PTPRR: variants seen among roughly 807,000 people sequenced by gnomAD.
The protein encoded by PTPRR is protein tyrosine phosphatase receptor type R.
PTPRR carries 38 observed loss-of-function variants against 77.2 expected under a neutral mutation model. The observed-to-expected ratio is 0.49, with a 90% CI of 0.38 to 0.65. PTPRR has a LOEUF of 0.65. PTPRR is among the 30% of genes least tolerant of loss of function. PTPRR has a pLI of 0.00. For synonymous variants in PTPRR, 299 were observed against 283.1 expected, an observed-to-expected ratio of 1.06 and a Z score of -0.57; for missense variants, 744 against 799.2, an observed-to-expected ratio of 0.93 and a Z score of 0.83.
intron 12 of PTPRR, among the ~76,000 whole-genome samples, chr12:70,659,717 GAC>G (rs1886725473): frequency 6.6e-6 from 1 of 152,008 alleles, no homozygotes; most frequent in Admixed American, 6.6e-5. Context: ...TGGATAAATA[GAC>G]ACATAGTAAA....
At chr12:70,751,659 A>G (rs1177002105) in intron 5 of PTPRR, among the ~76,000 whole-genome samples, 1 of 151,936 alleles carries the variant, frequency 6.6e-6, no homozygotes, top group Non-Finnish European at 1.5e-5. Context: ...TCTTCATAGC[A>G]CTTATCAACA....
In PTPRR at chr12:70,792,648, T is replaced by A. The variant is rs1021855553; in HGVS notation, c.358-27870A>T. 5.9e-5 allele frequency among the ~76,000 whole-genome samples: 9 copies of A among 152,166 alleles called. No individual in the cohort carries two copies. The South Asian group carries it at 1.9e-3, about 32-fold the overall frequency. On this transcript the variant is annotated intron_variant, in intron 2 of 13. Transcript: ENST00000283228. ...TTCAAATTCTCATATAGGGGATAGG[T>A]ATTAAGAAAAACACTAAATTTTGTA...
chr12:70,839,802 A>G (rs2137058586), intron 2 of PTPRR, among the ~76,000 whole-genome samples: 1 of 152,310 alleles, frequency 6.6e-6, no homozygotes, highest in South Asian at 2.1e-4. Context: ...CTGTGGAGCC[A>G]GGATACTGGT....
chr12:70,662,262 A>G lies in PTPRR; in HGVS notation c.1608+233T>C, dbSNP rs1239964754. 2.0e-5 allele frequency among the ~76,000 whole-genome samples: 3 copies of G among 152,234 alleles called. No individual in the cohort carries two copies. The South Asian group carries it at 6.2e-4, about 31-fold the overall frequency. Reference sequence around the variant, plus strand: ...TTATTAACGCAAATTAGAGGATCACAACATCCTACATAATGAATTTTCTTA... The same window carrying G: ...TTATTAACGCAAATTAGAGGATCACGACATCCTACATAATGAATTTTCTTA... On this transcript the variant is annotated intron_variant, in intron 11 of 13. Coordinates refer to ENST00000283228, the MANE Select transcript of PTPRR (RefSeq NM_002849.4).
At chr12:70,705,190 T>C (rs1037658875) in intron 6 of PTPRR, among the ~76,000 whole-genome samples, 1 of 152,092 alleles carries the variant, frequency 6.6e-6, no homozygotes, top group Admixed American at 6.6e-5. Flanking sequence ...TATAAACAAC[T>C]TTGGGTCAAA....
chr12:70,656,673 T>C, intron 13 of PTPRR, 31 bp downstream of exon 13: 2 of 1,465,686 alleles, frequency 1.4e-6, no homozygotes, highest in Non-Finnish European at 9.6e-7. Flanking sequence ...ATGAAAACAG[T>C]GCTCTGAAGG....
intron 6 of PTPRR, among the ~76,000 whole-genome samples, chr12:70,703,300 AC>A (rs1888500593): frequency 6.6e-6 from 1 of 152,066 alleles, no homozygotes; most frequent in South Asian, 2.1e-4. Context: ...GTTTCTGAAA[AC>A]TTTTTCTCAT....
intron 13 of PTPRR, among the ~76,000 whole-genome samples, chr12:70,654,447 C>T (rs868557489): frequency 2.0e-5 from 3 of 152,070 alleles, no homozygotes; most frequent in African/African-American, 7.2e-5. Flanking sequence ...GTGTGGCACA[C>T]GCTTGTACTC....
chr12:70,673,918 G>GTT (rs2136704293), intron 10 of PTPRR, among the ~76,000 whole-genome samples: 1 of 151,750 alleles, frequency 6.6e-6, no homozygotes, highest in Admixed American at 6.6e-5. Flanking sequence ...ATTGACTTTT[G>GTT]TTTACATCAA....
At chr12:70,792,561 A>T (rs181494952) in intron 2 of PTPRR, among the ~76,000 whole-genome samples, 1 of 152,340 alleles carries the variant, frequency 6.6e-6, no homozygotes, top group Admixed American at 6.5e-5. Flanking sequence ...TATTTTAAAA[A>T]TATGGACAAT....
chr12:70,758,850 A>C (rs1401151582), intron 4 of PTPRR, among the ~76,000 whole-genome samples: 1 of 152,178 alleles, frequency 6.6e-6, no homozygotes, highest in African/African-American at 2.4e-5. Context: ...CATTGAGAAC[A>C]AACATCATTT....
At chr12:70,827,104 C>T (rs75860572) in intron 2 of PTPRR, among the ~76,000 whole-genome samples, 1 of 152,228 alleles carries the variant, frequency 6.6e-6, no homozygotes, top group African/African-American at 2.4e-5. Context: ...TCCCCAGATA[C>T]TTTCTTGGGC....
intron 2 of PTPRR, among the ~76,000 whole-genome samples, chr12:70,775,863 A>G (rs746670258): frequency 3.3e-5 from 5 of 152,144 alleles, no homozygotes; most frequent in Non-Finnish European, 5.9e-5. Flanking sequence ...TCCAGGAATA[A>G]AAGCAAAAGG....
chr12:70,691,131 G>A (rs772089433), intron 8 of PTPRR, among the ~76,000 whole-genome samples: 2 of 152,052 alleles, frequency 1.3e-5, no homozygotes, highest in Non-Finnish European at 2.9e-5. Flanking sequence ...CTTCCTCCAT[G>A]CTCATCTGCA....
chr12:70,684,272 G>T lies in PTPRR; in HGVS notation c.1360-8C>A, dbSNP rs373042961. On this transcript the variant is annotated splice_region_variant and splice_polypyrimidine_tract_variant and intron_variant, in intron 9 of 13. Transcript: ENST00000283228. ...CTCCTTGCCACTGTAGCCCTAGATG[G>T]AGTAAAGAAACAAAAATATTGGTTT... 1 of 1,598,122 alleles carries T rather than the reference G, an allele frequency of 6.3e-7. No homozygotes were observed. Among genetic ancestry groups the T allele is most frequent in the Non-Finnish European group, 8.5e-7 (1 of 1,172,708 alleles).
At chr12:70,809,650 A>T (rs1465967263) in intron 2 of PTPRR, among the ~76,000 whole-genome samples, 3 of 152,180 alleles carry the variant, frequency 2.0e-5, no homozygotes, top group Admixed American at 1.3e-4. Context: ...TAAGTTCAGT[A>T]TATTTTAAAT....
chr12:70,734,611 A>T (rs1889799806), intron 6 of PTPRR, among the ~76,000 whole-genome samples: 1 of 151,944 alleles, frequency 6.6e-6, no homozygotes, highest in Non-Finnish European at 1.5e-5. Context: ...CAGTTAGAGG[A>T]CTCAGTGGGA....
chr12:70,874,920 C>CAAAA (rs34592534), intron 2 of PTPRR, among the ~76,000 whole-genome samples: 11 of 76,740 alleles, frequency 1.4e-4, no homozygotes, highest in Admixed American at 3.3e-4. Context: ...GACTCCATCT[C>CAAAA]AAAAAAAAAA....
intron 2 of PTPRR, among the ~76,000 whole-genome samples, chr12:70,823,624 T>C (rs919067055): frequency 6.6e-6 from 1 of 152,222 alleles, no homozygotes; most frequent in African/African-American, 2.4e-5. Flanking sequence ...TCTCCCTTCC[T>C]TACAGTTCCT....
Sources: gnomAD v4.1 joint callset for allele counts (sites outside exome capture counted in the v4.1 genomes callset) on GRCh38, gnomAD v4.1.1 for gene constraint, MANE v1.5 for transcripts, NCBI Gene and HGNC (gene_info 2026-07-23, HGNC 2026-07-21) for gene names.